The following CNTN3 variants were observed in gnomAD, a reference collection of about 807,000 sequenced individuals.
CNTN3 encodes the protein contactin-3.
CNTN3 carries 60 observed loss-of-function variants against 119.1 expected under a neutral mutation model. The ratio of observed to expected loss-of-function variants is 0.50; its 90% CI spans 0.41 to 0.62. The LOEUF (loss-of-function observed/expected upper bound fraction) is 0.62, where lower values mean the gene tolerates loss of function less well. CNTN3 is among the 20% of genes least tolerant of loss of function. CNTN3 has a pLI of 0.00. For synonymous variants in CNTN3, 450 were observed against 438.7 expected, an observed-to-expected ratio of 1.03 and a Z score of -0.32; for missense variants, 1,101 against 1,242.4, an observed-to-expected ratio of 0.89 and a Z score of 1.71.
At chr3:74,421,194 A>AGAGTC (rs1235641204) in intron 5 of CNTN3, among the ~76,000 whole-genome samples, 3 of 152,118 alleles carry the variant, frequency 2.0e-5, no homozygotes, top group African/African-American at 7.2e-5. Context: ...TTTTTGAGAC[A>AGAGTC]GAGTCTCGCT....
chr3:74,296,055 C>T (rs190314063), intron 18 of CNTN3, among the ~76,000 whole-genome samples: 3 of 152,056 alleles, frequency 2.0e-5, no homozygotes, highest in African/African-American at 7.2e-5. Flanking sequence ...AAGAGCAGAA[C>T]CATTTTCTGA....
At chr3:74,421,756 C>A (rs1701619569) in intron 5 of CNTN3, among the ~76,000 whole-genome samples, 2 of 152,192 alleles carry the variant, frequency 1.3e-5, no homozygotes, top group Admixed American at 1.3e-4. Flanking sequence ...AGGCCATGAG[C>A]TCTCTGATTA....
intron 4 of CNTN3, among the ~76,000 whole-genome samples, chr3:74,448,795 TTTTTCTATATCCTTTGAAAA>T (rs1702094154): frequency 6.6e-6 from 1 of 152,142 alleles, no homozygotes; most frequent in Non-Finnish European, 1.5e-5. Flanking sequence ...TTCATAACTA[TTTTTCTATATCCTTTGAAAA>T]ACAGTTTTTG....
chr3:74,312,481 A>T (rs965876277), intron 13 of CNTN3, among the ~76,000 whole-genome samples: 1 of 149,568 alleles, frequency 6.7e-6, no homozygotes, highest in African/African-American at 2.5e-5. Context: ...AAAAAAAAAA[A>T]TGCTCTGCCC....
chr3:74,501,895 G>T (rs2107083235), intron 2 of CNTN3, among the ~76,000 whole-genome samples: 1 of 152,080 alleles, frequency 6.6e-6, no homozygotes, highest in East Asian at 1.9e-4. Flanking sequence ...AGGCAATATT[G>T]CTATTTTCTT....
At chr3:74,266,698 T>C (rs1195170336) in intron 21 of CNTN3, 49 bp from the exon 22 acceptor site, 2 of 1,563,226 alleles carry the variant, frequency 1.3e-6, no homozygotes, top group Non-Finnish European at 8.8e-7. Context: ...CCCATTTTTG[T>C]TTTCTTCATA....
At chr3:74,593,338 C>T (rs1365512252) in intron 1 of CNTN3, among the ~76,000 whole-genome samples, 5 of 151,896 alleles carry the variant, frequency 3.3e-5, no homozygotes, top group African/African-American at 7.2e-5. Context: ...TCTATTGTTT[C>T]GTAACAGCTT....
At chr3:74,487,921 T>C (rs913163298) in intron 3 of CNTN3, among the ~76,000 whole-genome samples, 1 of 151,288 alleles carries the variant, frequency 6.6e-6, no homozygotes, top group Non-Finnish European at 1.5e-5. Context: ...TTGACGTTTA[T>C]AATTTTCAGA....
chr3:74,428,560 AAT>A, intron 4 of CNTN3, among the ~76,000 whole-genome samples: 1 of 152,226 alleles, frequency 6.6e-6, no homozygotes, highest in East Asian at 1.9e-4. Context: ...AAAGCTCCAC[AAT>A]GTGTGTTTTA....
chr3:74,454,800 G>C (rs1205285987), intron 4 of CNTN3, among the ~76,000 whole-genome samples: 12 of 151,992 alleles, frequency 7.9e-5, no homozygotes. Flanking sequence ...TGAAATTCTG[G>C]GTTGAAAATT....
At chr3:74,468,667 T>C (rs980366586) in intron 4 of CNTN3, among the ~76,000 whole-genome samples, 5 of 152,128 alleles carry the variant, frequency 3.3e-5, no homozygotes, top group Non-Finnish European at 7.4e-5. Flanking sequence ...AACAAAAAAA[T>C]ACACTAAACT....
At chr3:74,610,336 GA>G (rs5850191) in intron 1 of CNTN3, among the ~76,000 whole-genome samples, 3 of 149,346 alleles carry the variant, frequency 2.0e-5, no homozygotes, top group South Asian at 2.1e-4. Context: ...AAACAAAAAT[GA>G]AAAAAAAAAC....
chr3:74,314,248 C>A (rs566506751), intron 13 of CNTN3, among the ~76,000 whole-genome samples: 13 of 152,044 alleles, frequency 8.6e-5, no homozygotes, highest in Non-Finnish European at 1.5e-4. Flanking sequence ...AAAAAAGGAA[C>A]AAAGAACAAG....
chr3:74,558,417 C>G (rs1163181431), intron 1 of CNTN3, among the ~76,000 whole-genome samples: 1 of 152,172 alleles, frequency 6.6e-6, no homozygotes, highest in Admixed American at 6.5e-5. Flanking sequence ...CTCCTCACAA[C>G]TGTTAGTCTT....
chr3:74,366,778 G>GTATATATATATATA lies in CNTN3; in HGVS notation c.947-1077_947-1076insTATATATATATATA, dbSNP rs1485995990. On this transcript the variant is annotated intron_variant, in intron 8 of 22. Transcript: ENST00000263665. ...TGTGTGCGTGTGTGTGTGTGTGTGT[G>GTATATATATATATA]TGTATATATATATATATATATATAT... is the stretch of plus-strand genomic sequence containing the variant. Among the ~76,000 whole-genome samples the GTATATATATATATA allele has an allele frequency of 6.5e-3, 263 of 40,746 alleles. 1 individual carries two copies. Among genetic ancestry groups the GTATATATATATATA allele is most frequent in the South Asian group, 0.037 (22 of 596 alleles). 26.7% of individuals were successfully genotyped at this position (40,746 alleles called of 152,430 possible).
At chr3:74,587,963 C>T (rs960632407) in intron 1 of CNTN3, among the ~76,000 whole-genome samples, 10 of 152,008 alleles carry the variant, frequency 6.6e-5, no homozygotes, top group Admixed American at 5.2e-4. Flanking sequence ...TTTTGAGATA[C>T]GTCCCATCAA....
At chr3:74,556,032 T>C (rs1470906323) in intron 1 of CNTN3, among the ~76,000 whole-genome samples, 1 of 152,164 alleles carries the variant, frequency 6.6e-6, no homozygotes, top group Non-Finnish European at 1.5e-5. Context: ...TATGAGTTCT[T>C]TGTCTATTTT....
At chr3:74,312,114 A>G (rs950950569) in intron 13 of CNTN3, among the ~76,000 whole-genome samples, 4 of 151,926 alleles carry the variant, frequency 2.6e-5, no homozygotes, top group Non-Finnish European at 5.9e-5. Flanking sequence ...TTGTGGGGGG[A>G]AAACAGACCA....
intron 4 of CNTN3, among the ~76,000 whole-genome samples, chr3:74,431,041 C>A (rs976151228): frequency 3.3e-5 from 5 of 152,210 alleles, no homozygotes; most frequent in African/African-American, 1.2e-4. Context: ...TAGGGAAGAA[C>A]ACTCCTTCTT....
Sources: gnomAD v4.1 joint callset for allele counts (sites outside exome capture counted in the v4.1 genomes callset) on GRCh38, gnomAD v4.1.1 for gene constraint, MANE v1.5 for transcripts, NCBI Gene and HGNC (gene_info 2026-07-23, HGNC 2026-07-21) for gene names.